The following TUSC2 variants were observed in gnomAD, a reference collection of about 807,000 sequenced individuals.
TUSC2 encodes the protein tumor suppressor candidate 2.
Under a neutral mutation model 11.5 loss-of-function variants are expected in TUSC2, and 7 were observed. The observed-to-expected ratio is 0.61, with a 90% confidence interval of 0.35 to 1.14. TUSC2 has a LOEUF of 1.14. Ranked by LOEUF, TUSC2 falls within the 50% of genes most tolerant of loss-of-function variation. The pLI is 0.03. For synonymous variants in TUSC2, 61 were observed against 64.1 expected (o/e 0.95, Z 0.23); for missense variants, 132 against 155.0 (o/e 0.85, Z 0.79).
Position 50,328,050 on chromosome 3 carries a change from G to A in TUSC2, c.50C>T (p.Ala17Val). Residue 17 changes from alanine to valine, a missense_variant, in exon 1 of 3, where the codon GCG (alanine) becomes GTG (valine). This residue lies in a region of TUSC2 where 17 missense variants were observed against 33.1 expected (regional missense o/e 0.51). Transcript: ENST00000232496. ...KARGLWPFAS[A>V]AGGGGSEAAG... ...TGCCTCTGAGCCGCCGCCTCCGGCC[G>A]CCGAGGCGAAGGGCCACAGGCCCCG... 1 of 1,494,230 alleles carries A rather than the reference G, an allele frequency of 6.7e-7. No individual in the cohort carries two copies. Among genetic ancestry groups the A allele is most frequent in the South Asian group, 1.3e-5 (1 of 79,428 alleles). 92.6% of individuals were successfully genotyped at this position (1,494,230 alleles called of 1,614,324 possible). A position where few individuals can be genotyped will look rare whatever the true frequency, so the allele number is the denominator to read the frequency against.
At chr3:50,326,606 G>A (rs2109330887) in intron 1 of TUSC2, 129 bp from the exon 2 acceptor site, 1 of 1,391,766 alleles carries the variant, frequency 7.2e-7, no homozygotes. Context: ...AATATGCCTG[G>A]AGAATCCTTT....
Position 50,326,122 on chromosome 3 carries a change from C to A in TUSC2, c.332G>T (p.Ter111LeuextTer37). ...VDFPVILYEV* is the reference protein window; with the variant it reads ...VDFPVILYEVL ...GCTTCTGTCTGCCACCTCCCAGGGT[C>A]ACACCTCATAGAGGATCACAGGGAA... Residue 111 changes from the stop codon to leucine, a stop_lost, in exon 3 of 3, where the codon TGA becomes TTA. Coordinates refer to ENST00000232496, the MANE Select transcript of TUSC2 (RefSeq NM_007275.3). 6.3e-7 allele frequency: 1 copy of A among 1,585,024 alleles called. No homozygotes were observed. The highest frequency in any genetic ancestry group is 1.3e-5 in the African/African-American group (1 of 74,642).
At position 50,326,067 on chromosome 3, in the gene TUSC2, G is replaced by C; in HGVS notation, c.*54C>G. ...TCAATGGAAGCCACACCTTGATTGA[G>C]CCTGGGAGTTTCTTGCCGGGGCAGG... On this transcript the variant is annotated 3_prime_UTR_variant, in exon 3 of 3. Transcript: ENST00000232496. The C allele has an allele frequency of 1.9e-6, 3 of 1,550,020 alleles. No homozygotes were observed. The highest frequency in any genetic ancestry group is 2.6e-6 in the Non-Finnish European group (3 of 1,144,972).
chr3:50,326,581 G>A, intron 1 of TUSC2, 104 bp from the exon 2 acceptor site: 2 of 1,521,306 alleles, frequency 1.3e-6, no homozygotes, highest in South Asian at 1.2e-5. Flanking sequence ...ACCCCAAGTG[G>A]GAAGAAAAGA....
In TUSC2 at chr3:50,328,223, T is replaced by G. The variant is rs1317004229; in HGVS notation, c.-124A>C. ...CGCCGCCGCCTTCCGCAGGCTCGGC[T>G]GTCTCCACGGAAACCTCACTTCCGC... On this transcript the variant is annotated 5_prime_UTR_variant, in exon 1 of 3. Transcript: ENST00000232496. 1 of 1,175,542 alleles carries G rather than the reference T, an allele frequency of 8.5e-7. No homozygotes were observed. The highest frequency in any genetic ancestry group is 3.2e-5 in the East Asian group (1 of 31,194). 72.8% of individuals were successfully genotyped at this position (1,175,542 alleles called of 1,614,324 possible).
rs782369955 is a variant in TUSC2, at chr3:50,326,398, G to A, written c.226C>T (p.Arg76Trp). 15 of 1,613,758 alleles carry A rather than the reference G, an allele frequency of 9.3e-6. No homozygotes were observed. The highest frequency in any genetic ancestry group is 4.4e-5 in the South Asian group (4 of 91,068). ...TTATGCACTCGCCTCAGCTTGGCCC[G>A]CTTCTGCCCGTTCTTGGTGACGATT... ...ETIVTKNGQK[R>W]AKLRRVHKNL... is the part of the protein sequence containing the mutation. The change falls in exon 2 of 3, where the codon CGG (arginine) becomes TGG (tryptophan). Residue 76 changes from arginine to tryptophan, a missense_variant. Transcript: ENST00000232496.
chr3:50,326,515 C>T (rs1553717422), intron 1 of TUSC2, 38 bp from the exon 2 acceptor site: 1 of 1,608,014 alleles, frequency 6.2e-7, no homozygotes, highest in Non-Finnish European at 8.5e-7. Flanking sequence ...GGGCTGGAGC[C>T]CCACACCTGG....
intron 1 of TUSC2, 140 bp from the exon 2 acceptor site, chr3:50,326,617 T>A: frequency 7.5e-7 from 1 of 1,334,338 alleles, no homozygotes; most frequent in African/African-American, 1.5e-5. Flanking sequence ...AGAATCCTTT[T>A]TTTAAAAAAA....
intron 1 of TUSC2, 67 bp downstream of exon 1, chr3:50,327,886 TC>T: frequency 1.4e-6 from 2 of 1,382,112 alleles, no homozygotes; most frequent in East Asian, 6.0e-5. Context: ...CGGTGGAAGT[TC>T]CCCCGTGGCG....
In TUSC2 at chr3:50,326,038, C is replaced by A; in HGVS notation, c.*83G>T. 1 of 1,509,124 alleles carries A rather than the reference C, an allele frequency of 6.6e-7. No homozygotes were observed. The highest frequency in any genetic ancestry group is 2.0e-5 in the Admixed American group (1 of 50,694). The allele number at this position is 1,509,124 out of a possible 1,614,324, so 93.5% of individuals were successfully genotyped here. ...TTCAGGGTTGTGGCCCCAGCCTGGG[C>A]TCCTCAATGGAAGCCACACCTTGAT... On this transcript the variant is annotated 3_prime_UTR_variant, in exon 3 of 3. Coordinates refer to ENST00000232496, the MANE Select transcript of TUSC2 (RefSeq NM_007275.3).
intron 2 of TUSC2, 75 bp downstream of exon 2, chr3:50,326,282 C>G: frequency 6.2e-7 from 1 of 1,612,638 alleles, no homozygotes. Context: ...AAGCCCCCAC[C>G]ATGACAACAG....
At position 50,328,219 on chromosome 3, in the gene TUSC2, C is replaced by A. The variant is rs587685691; in HGVS notation, c.-120G>T. 2 of 1,197,400 alleles carry A rather than the reference C, an allele frequency of 1.7e-6. No individual in the cohort carries two copies. Among genetic ancestry groups the A allele is most frequent in the Non-Finnish European group, 2.2e-6 (2 of 929,806 alleles). 74.2% of individuals were successfully genotyped at this position (1,197,400 alleles called of 1,614,324 possible). ...CCGCCGCCGCCGCCTTCCGCAGGCT[C>A]GGCTGTCTCCACGGAAACCTCACTT... On this transcript the variant is annotated 5_prime_UTR_variant, in exon 1 of 3. Coordinates refer to ENST00000232496, the MANE Select transcript of TUSC2 (RefSeq NM_007275.3).
At position 50,328,040 on chromosome 3, in the gene TUSC2, G is replaced by A. The variant is rs1553717642; in HGVS notation, c.60C>T (p.Gly20=). 3 of 1,496,278 alleles carry A rather than the reference G, an allele frequency of 2.0e-6. No homozygotes were observed. The highest frequency in any genetic ancestry group is 2.8e-5 in the East Asian group (1 of 36,072). 92.7% of individuals were successfully genotyped at this position (1,496,278 alleles called of 1,614,324 possible). A position where few individuals can be genotyped will look rare whatever the true frequency, so the allele number is the denominator to read the frequency against. The change falls in exon 1 of 3, where the codon GGC becomes GGT. Residue 20 remains glycine, a synonymous_variant. Transcript: ENST00000232496. ...GLWPFASAAG[G]GGSEAAGAEQ... is the part of the protein sequence containing the mutation. The stretch of plus-strand genomic sequence containing the variant: ...CAGCTCCTGCTGCCTCTGAGCCGCC[G>A]CCTCCGGCCGCCGAGGCGAAGGGCC...
In TUSC2 at chr3:50,328,090, T is replaced by A; in HGVS notation, c.10A>T (p.Ser4Cys). 7.1e-7 allele frequency: 1 copy of A among 1,401,784 alleles called. No homozygotes were observed. The highest frequency in any genetic ancestry group is 9.3e-7 in the Non-Finnish European group (1 of 1,078,812). 86.8% of individuals were successfully genotyped at this position (1,401,784 alleles called of 1,614,324 possible). ...CACAGGCCCCGAGCTTTGGACCCGC[T>A]GGCGCCCATGTCAGGGCCGCCGGCG... MGA[S>C]GSKARGLWPF... is the part of the protein sequence containing the mutation. The change falls in exon 1 of 3, where the codon AGC (serine) becomes TGC (cysteine). Residue 4 changes from serine to cysteine, a missense_variant. By Grantham distance (112) the Ser-to-Cys change is moderately radical. Around this residue, in one of 3 missense-constraint regions of TUSC2, gnomAD observed 17 missense variants for 33.1 expected, o/e 0.51. Coordinates refer to ENST00000232496, the MANE Select transcript of TUSC2 (RefSeq NM_007275.3).
chr3:50,328,169 C>G lies in TUSC2; in HGVS notation c.-70G>C, dbSNP rs1159370998. The G allele has an allele frequency of 7.7e-7, 1 of 1,295,430 alleles. No homozygotes were observed. The highest frequency in any genetic ancestry group is 1.5e-5 in the African/African-American group (1 of 64,570). 80.2% of individuals were successfully genotyped at this position (1,295,430 alleles called of 1,614,324 possible). The stretch of plus-strand genomic sequence containing the variant: ...ACACCGCAGTCCGCACTACCATAAC[C>G]TGCCCCAGCCGCTGATCGCAGGTGC... On this transcript the variant is annotated 5_prime_UTR_variant, in exon 1 of 3. Transcript: ENST00000232496.
In TUSC2 at chr3:50,328,148, C is replaced by G. The variant is rs897647951; in HGVS notation, c.-49G>C. On this transcript the variant is annotated 5_prime_UTR_variant, in exon 1 of 3. Coordinates refer to ENST00000232496, the MANE Select transcript of TUSC2 (RefSeq NM_007275.3). ...GGCCCCGTGGCCGCTCTGCTCACAC[C>G]GCAGTCCGCACTACCATAACCTGCC... 7.4e-7 allele frequency: 1 copy of G among 1,343,710 alleles called. No homozygotes were observed. Among genetic ancestry groups the G allele is most frequent in the Non-Finnish European group, 9.5e-7 (1 of 1,049,236 alleles). The allele number at this position is 1,343,710 out of a possible 1,614,324, so 83.2% of individuals were successfully genotyped here.
In TUSC2 at chr3:50,326,424, G is replaced by A; in HGVS notation, c.200C>T (p.Thr67Ile). The A allele has an allele frequency of 1.2e-6, 2 of 1,613,904 alleles. No homozygotes were observed. The highest frequency in any genetic ancestry group is 1.7e-6 in the Non-Finnish European group (2 of 1,180,002). Residue 67 changes from threonine to isoleucine, a missense_variant, in exon 2 of 3, where the codon ACA becomes ATA. Physicochemically the swap from Thr to Ile is moderately conservative, Grantham distance 89 (BLOSUM62 -1). Coordinates refer to ENST00000232496, the MANE Select transcript of TUSC2 (RefSeq NM_007275.3). ...GDLAHEFYEE[T>I]IVTKNGQKRA... ...CTTCTGCCCGTTCTTGGTGACGATT[G>A]TCTCCTCATAGAACTCGTGAGCCAG...
chr3:50,327,439 C>A (rs587624494), intron 1 of TUSC2, among the ~76,000 whole-genome samples: 4 of 152,246 alleles, frequency 2.6e-5, no homozygotes, highest in South Asian at 4.1e-4. Context: ...GGTAGGTCAG[C>A]GCTCTGGATC....
rs782527205 is a variant in TUSC2 at position 50,326,090 on chromosome 3, AGG to A, written c.*29_*30del. 2.6e-6 allele frequency: 4 copies of A among 1,562,786 alleles called. No individual in the cohort carries two copies. In the African/African-American group the frequency reaches 5.4e-5, roughly 21 times the overall value. On this transcript the variant is annotated 3_prime_UTR_variant, in exon 3 of 3. Transcript: ENST00000232496. ...GAGCCTGGGAGTTTCTTGCCGGGGC[AGG>A]GGGTGCTTCTGTCTGCCACCTCCCA...
Sources: allele counts gnomAD v4.1 joint callset (sites outside exome capture counted in the v4.1 genomes callset), GRCh38; gene constraint gnomAD v4.1.1; regional missense constraint gnomAD v4.1.1; transcripts MANE v1.5; gene names NCBI Gene and HGNC (gene_info 2026-07-23, HGNC 2026-07-21).